The following PRKG1 variants were observed in gnomAD, a reference collection of about 807,000 sequenced individuals.
PRKG1 encodes the protein protein kinase cGMP-dependent 1.
PRKG1 carries 35 observed loss-of-function variants against 88.1 expected under a neutral mutation model. That is an observed-to-expected ratio of 0.40 (90% CI 0.30 to 0.53). The LOEUF (loss-of-function observed/expected upper bound fraction) is 0.53. PRKG1 is among the 20% of genes least tolerant of loss of function. PRKG1 has a pLI of 0.59. For missense variants in PRKG1, 540 were observed against 839.8 expected, an observed-to-expected ratio of 0.64 and a Z score of 4.41; for synonymous variants, 303 against 292.5, an observed-to-expected ratio of 1.04 and a Z score of -0.37.
At chr10:51,008,489 C>T (rs1246783075) in intron 1 of PRKG1, among the ~76,000 whole-genome samples, 1 of 152,182 alleles carries the variant, frequency 6.6e-6, no homozygotes, top group Non-Finnish European at 1.5e-5. Flanking sequence ...TTGCCTCTTT[C>T]TAGCTTCTGG....
At chr10:52,024,312 TTTAAC>T in intron 5 of PRKG1, among the ~76,000 whole-genome samples, 1 of 64,518 alleles carries the variant, frequency 1.5e-5, no homozygotes, top group South Asian at 4.4e-4. Context: ...TATTTATTTA[TTTAAC>T]TTTTTTTTTT....
intron 4 of PRKG1, among the ~76,000 whole-genome samples, chr10:51,887,942 C>A (rs1275984555): frequency 6.6e-6 from 1 of 152,070 alleles, no homozygotes; most frequent in Non-Finnish European, 1.5e-5. Context: ...TAAATAAATT[C>A]TAGAGGTTTT....
chr10:51,252,608 A>G (rs560525677), intron 2 of PRKG1, among the ~76,000 whole-genome samples: 139 of 148,968 alleles, frequency 9.3e-4, no homozygotes, highest in Non-Finnish European at 1.6e-3. Context: ...TCTCAACTCT[A>G]CATAATAATT....
At chr10:51,729,459 C>T (rs4509705) in intron 3 of PRKG1, among the ~76,000 whole-genome samples, 3,166 of 152,094 alleles carry the variant, frequency 0.021, 171 homozygotes, top group Admixed American at 0.11. Context: ...GTGGCTCACA[C>T]CTATAATCCC....
intron 8 of PRKG1, among the ~76,000 whole-genome samples, chr10:52,145,458 G>A (rs933018931): frequency 6.6e-6 from 1 of 152,128 alleles, no homozygotes; most frequent in Non-Finnish European, 1.5e-5. Context: ...GATAATATTT[G>A]AAATTTTATA....
At chr10:52,192,730 G>A (rs1029621652) in intron 9 of PRKG1, among the ~76,000 whole-genome samples, 1 of 151,732 alleles carries the variant, frequency 6.6e-6, no homozygotes, top group Non-Finnish European at 1.5e-5. Flanking sequence ...AAGATATTAA[G>A]TATTTATATA....
At chr10:51,932,256 A>G (rs1842709928) in intron 5 of PRKG1, among the ~76,000 whole-genome samples, 1 of 151,082 alleles carries the variant, frequency 6.6e-6, no homozygotes, top group Non-Finnish European at 1.5e-5. Context: ...AATCATTTCC[A>G]TAGTTCCAAA....
intron 5 of PRKG1, among the ~76,000 whole-genome samples, chr10:52,011,983 C>A (rs934714700): frequency 1.1e-4 from 17 of 152,132 alleles, no homozygotes; most frequent in Admixed American, 1.0e-3. Context: ...ACCTTCCTCC[C>A]GGCCATGTGG....
At chr10:51,636,574 T>C (rs1355376584) in intron 3 of PRKG1, among the ~76,000 whole-genome samples, 1 of 152,190 alleles carries the variant, frequency 6.6e-6, no homozygotes, top group African/African-American at 2.4e-5. Context: ...CTAGTGGTTC[T>C]AGGCCACCCT....
intron 1 of PRKG1, among the ~76,000 whole-genome samples, chr10:51,014,152 A>G (rs927478048): frequency 1.3e-5 from 2 of 152,184 alleles, no homozygotes; most frequent in Non-Finnish European, 2.9e-5. Flanking sequence ...CTATTGCTGT[A>G]TCTGTATGTA....
chr10:52,003,199 C>T (rs1844645057), intron 5 of PRKG1, among the ~76,000 whole-genome samples: 1 of 152,194 alleles, frequency 6.6e-6, no homozygotes, highest in South Asian at 2.1e-4. Flanking sequence ...GGCTGTGCCA[C>T]TAATTAACTG....
intron 2 of PRKG1, among the ~76,000 whole-genome samples, chr10:51,324,774 A>G (rs1402832539): frequency 6.8e-6 from 1 of 146,062 alleles, no homozygotes; most frequent in Non-Finnish European, 1.5e-5. Flanking sequence ...TATATCTAAC[A>G]TTTTCTTTAT....
chr10:51,159,107 G>A (rs1219784999), intron 2 of PRKG1, among the ~76,000 whole-genome samples: 4 of 151,972 alleles, frequency 2.6e-5, no homozygotes, highest in Non-Finnish European at 5.9e-5. Flanking sequence ...AACTTATACC[G>A]CTTCAAACTA....
chr10:51,523,108 AT>A (rs890624602), intron 3 of PRKG1, among the ~76,000 whole-genome samples: 13 of 150,688 alleles, frequency 8.6e-5, no homozygotes, highest in Admixed American at 4.6e-4. Context: ...GTTGAAGATG[AT>A]TTTTTTTTTA....
chr10:52,058,675 G>A (rs1302724958), intron 6 of PRKG1, among the ~76,000 whole-genome samples: 1 of 151,834 alleles, frequency 6.6e-6, no homozygotes, highest in Non-Finnish European at 1.5e-5. Flanking sequence ...AATGAAAATT[G>A]GTAATAGATT....
chr10:51,795,766 G>A (rs1838994060), intron 3 of PRKG1, among the ~76,000 whole-genome samples: 5 of 151,986 alleles, frequency 3.3e-5, no homozygotes, highest in Admixed American at 3.3e-4. Context: ...ATTCTTTAAT[G>A]GTAAACATGA....
At chr10:51,503,182 C>T (rs1841083536) in intron 3 of PRKG1, among the ~76,000 whole-genome samples, 1 of 152,184 alleles carries the variant, frequency 6.6e-6, no homozygotes. Context: ...AGTGCTCTCA[C>T]TACATCCTCA....
intron 1 of PRKG1, among the ~76,000 whole-genome samples, chr10:51,030,688 A>G (rs1216500352): frequency 6.6e-6 from 1 of 152,084 alleles, no homozygotes; most frequent in African/African-American, 2.4e-5. Flanking sequence ...TCCTTGCAGT[A>G]ATGAGTTCTT....
chr10:51,389,343 C>T (rs1414788818), intron 2 of PRKG1, among the ~76,000 whole-genome samples: 3 of 152,134 alleles, frequency 2.0e-5, no homozygotes, highest in Non-Finnish European at 4.4e-5. Flanking sequence ...AGAATAAAAG[C>T]GGTCAGTCCT....
Sources: allele counts gnomAD v4.1 joint callset (sites outside exome capture counted in the v4.1 genomes callset), GRCh38; gene constraint gnomAD v4.1.1; transcripts MANE v1.5; gene names NCBI Gene and HGNC (gene_info 2026-07-23, HGNC 2026-07-21).